Variants in FUBP3 observed in about 807,000 individuals in gnomAD.
FUBP3 encodes the protein far upstream element binding protein 3.
In FUBP3, 28 loss-of-function variants were observed where a neutral mutation model predicts 85.6. That is an observed-to-expected ratio of 0.33 (90% CI 0.24 to 0.45). The LOEUF (loss-of-function observed/expected upper bound fraction) is 0.45, where lower values mean the gene tolerates loss of function less well. Among genes scored for constraint, FUBP3 ranks in the 20% least tolerant of loss-of-function variants. The pLI is 1.00. For missense variants in FUBP3, 583 were observed against 755.1 expected (o/e 0.77, Z 2.67); for synonymous variants, 271 against 271.4 (o/e 1.00, Z 0.01).
At chr9:130,587,114 G>A (rs2119006486) in intron 1 of FUBP3, among the ~76,000 whole-genome samples, 1 of 149,754 alleles carries the variant, frequency 6.7e-6, no homozygotes, top group Non-Finnish European at 1.5e-5. Flanking sequence ...CACCAGGCTG[G>A]AAGGCAGTGG....
chr9:130,634,645 T>C (rs1000022754), intron 16 of FUBP3, 22 bp from the exon 17 acceptor site: 10 of 1,609,626 alleles, frequency 6.2e-6, no homozygotes, highest in Middle Eastern at 1.8e-4. Flanking sequence ...AAGGCCTGAC[T>C]GCTTTTGTGT....
chr9:130,595,485 T>C lies in FUBP3; in HGVS notation c.87T>C (p.Ile29=), dbSNP rs1222740489. 2.7e-6 allele frequency: 4 copies of C among 1,455,508 alleles called. No homozygotes were observed. Among genetic ancestry groups the C allele is most frequent in the East Asian group, 2.3e-5 (1 of 44,160 alleles). The allele number at this position is 1,455,508 out of a possible 1,614,324, so 90.2% of individuals were successfully genotyped here. A position where few individuals can be genotyped will look rare whatever the true frequency, so the allele number is the denominator to read the frequency against. ...FVDALHRVRQ[I]AAKIDSIPHL... ...TTTAAATCTGATTCTCTCTGTAGAT[T>C]GCTGCTAAAATTGATTCAATTCCTC... The change falls in exon 2 of 19, where the codon ATT becomes ATC. Residue 29 remains isoleucine, a splice_region_variant and synonymous_variant. Coordinates refer to ENST00000319725, the MANE Select transcript of FUBP3 (RefSeq NM_003934.2).
chr9:130,616,608 C>A lies in FUBP3; in HGVS notation c.567+91C>A. 1 of 1,211,464 alleles carries A rather than the reference C, an allele frequency of 8.3e-7. No homozygotes were observed. The highest frequency in any genetic ancestry group is 1.2e-6 in the Non-Finnish European group (1 of 838,586). 75.0% of individuals were successfully genotyped at this position (1,211,464 alleles called of 1,614,324 possible). On this transcript the variant is annotated intron_variant, in intron 7 of 18. Coordinates refer to ENST00000319725, the MANE Select transcript of FUBP3 (RefSeq NM_003934.2). This position sits in a 1 kb window ranked among gnomAD's most constrained non-coding sequence, Gnocchi z 4.7. ...GAGATCTGCTTACGGCTGGCATTCC[C>A]TGGCTGGGCTGGCTTTGTGCAGCAT...
In FUBP3 at chr9:130,612,554, TTC is replaced by T. The variant is rs752621968; in HGVS notation, c.274+55_274+56del. 1.1e-5 allele frequency: 13 copies of T among 1,165,096 alleles called. No individual in the cohort carries two copies. Among genetic ancestry groups the T allele is most frequent in the African/African-American group, 3.0e-5 (2 of 65,724 alleles). 72.2% of individuals were successfully genotyped at this position (1,165,096 alleles called of 1,614,324 possible). A position where few individuals can be genotyped will look rare whatever the true frequency, so the allele number is the denominator to read the frequency against. ...TTTCCCTGATTCCTGTCTCTTCTTTTTCTCTCTTTTTTTCTGAGCTGCTTTGC... is the reference window on the plus strand; with the variant it reads ...TTTCCCTGATTCCTGTCTCTTCTTTTTCTCTTTTTTTCTGAGCTGCTTTGC... On this transcript the variant is annotated intron_variant, in intron 4 of 18. Coordinates refer to ENST00000319725, the MANE Select transcript of FUBP3 (RefSeq NM_003934.2). The surrounding 1 kb of genome is among the most constrained non-coding windows in gnomAD (Gnocchi z 4.1).
chr9:130,598,984 A>G (rs1355185804), intron 2 of FUBP3, among the ~76,000 whole-genome samples: 5 of 152,026 alleles, frequency 3.3e-5, no homozygotes, highest in Non-Finnish European at 7.4e-5. Flanking sequence ...GCAACATAGC[A>G]AAACCGTATT....
intron 11 of FUBP3, among the ~76,000 whole-genome samples, chr9:130,625,414 C>T (rs372291003): frequency 6.6e-6 from 1 of 152,204 alleles, no homozygotes; most frequent in Non-Finnish European, 1.5e-5. Context: ...TCTCAGCTTT[C>T]TGCTGGTTTA....
intron 2 of FUBP3, among the ~76,000 whole-genome samples, chr9:130,606,717 A>G (rs1186603421): frequency 6.6e-6 from 1 of 151,992 alleles, no homozygotes; most frequent in Non-Finnish European, 1.5e-5. Context: ...CTACTCGGGA[A>G]GCTGAGGTAG....
chr9:130,590,727 G>C (rs1413766714), intron 1 of FUBP3, among the ~76,000 whole-genome samples: 1 of 152,166 alleles, frequency 6.6e-6, no homozygotes, highest in African/African-American at 2.4e-5. Flanking sequence ...TGGAAGTCAG[G>C]CTTTATTTAA....
intron 10 of FUBP3, among the ~76,000 whole-genome samples, chr9:130,623,380 A>T (rs1433701664): frequency 6.6e-6 from 1 of 152,210 alleles, no homozygotes; most frequent in African/African-American, 2.4e-5. Context: ...ACATTTTTTA[A>T]ATGGCTATAA....
At chr9:130,601,190 G>A (rs1000189687) in intron 2 of FUBP3, among the ~76,000 whole-genome samples, 26 of 152,136 alleles carry the variant, frequency 1.7e-4, no homozygotes, top group Non-Finnish European at 7.4e-5. Flanking sequence ...TTCATCTTTA[G>A]TTAGGGAAGT....
chr9:130,634,519 C>A (rs958028431), intron 16 of FUBP3, 148 bp from the exon 17 acceptor site: 6 of 621,534 alleles, frequency 9.7e-6, no homozygotes, highest in African/African-American at 9.2e-5. Flanking sequence ...GCCCTGCCAG[C>A]TGCCACCTCC....
Position 130,636,484 on chromosome 9 carries a change from C to T in FUBP3, c.1710+358C>T, listed in dbSNP as rs564401271. ...AGGAGCAAGTGCAGAGGGTGCGCTC[C>T]GGCGACTGCTCTCGAGGAGGGTGGA... On this transcript the variant is annotated intron_variant, in intron 18 of 18. Transcript: ENST00000319725. Among the ~76,000 whole-genome samples, 68 of 152,334 alleles carry T rather than the reference C, an allele frequency of 4.5e-4. 1 individual carries two copies. Among genetic ancestry groups the T allele is most frequent in the African/African-American group, 1.5e-3 (63 of 41,584 alleles).
chr9:130,593,046 T>C (rs2119021280), intron 1 of FUBP3, among the ~76,000 whole-genome samples: 1 of 152,184 alleles, frequency 6.6e-6, no homozygotes, highest in East Asian at 1.9e-4. Flanking sequence ...CTACCAAGCT[T>C]GCTCCTGCCT....
At chr9:130,626,530 TC>T (rs1369833258) in intron 12 of FUBP3, 25 bp downstream of exon 12, 2 of 1,610,698 alleles carry the variant, frequency 1.2e-6, no homozygotes, top group Non-Finnish European at 8.5e-7. Flanking sequence ...GGGTTTCACA[TC>T]CCCCCTCAGC....
At chr9:130,614,263 C>T (rs1371377348) in intron 5 of FUBP3, 25 bp from the exon 6 acceptor site, 2 of 1,543,574 alleles carry the variant, frequency 1.3e-6, no homozygotes, top group Non-Finnish European at 1.8e-6. Flanking sequence ...ACCAACACCC[C>T]TCATCTTCTT....
chr9:130,632,138 A>G, intron 15 of FUBP3, 64 bp from the exon 16 acceptor site: 1 of 1,487,776 alleles, frequency 6.7e-7, no homozygotes, highest in Non-Finnish European at 9.4e-7. Context: ...GTGAGCAGTG[A>G]AGAGGGAGAC....
At position 130,613,041 on chromosome 9, in the gene FUBP3, A is replaced by G. The variant is rs771366410; in HGVS notation, c.346+14A>G. 107 of 1,524,416 alleles carry G rather than the reference A, an allele frequency of 7.0e-5. No individual in the cohort carries two copies. In the East Asian group the frequency reaches 2.2e-3, roughly 32 times the overall value. The allele number at this position is 1,524,416 out of a possible 1,614,324, so 94.4% of individuals were successfully genotyped here. ...AGATTGCTTCAGGTAAGGGCTTTTT[A>G]AAAATAGATATCAATTTTGTAGAAA... On this transcript the variant is annotated intron_variant, in intron 5 of 18. Coordinates refer to ENST00000319725, the MANE Select transcript of FUBP3 (RefSeq NM_003934.2).
chr9:130,582,507 A>G (rs1273902269), intron 1 of FUBP3, among the ~76,000 whole-genome samples: 1 of 152,120 alleles, frequency 6.6e-6, no homozygotes, highest in Non-Finnish European at 1.5e-5. Context: ...AGTTCCATGG[A>G]TGAAGATCTA....
At chr9:130,621,448 A>G (rs1043881700) in intron 9 of FUBP3, among the ~76,000 whole-genome samples, 2 of 152,230 alleles carry the variant, frequency 1.3e-5, no homozygotes, top group Non-Finnish European at 2.9e-5. Context: ...GCTACAGTTA[A>G]CACCACTGTA....
Sources: gnomAD v4.1 joint callset for allele counts (sites outside exome capture counted in the v4.1 genomes callset) on GRCh38, gnomAD v4.1.1 for gene constraint, Gnocchi (gnomAD v3.1) non-coding constraint, MANE v1.5 for transcripts, NCBI Gene and HGNC (gene_info 2026-07-23, HGNC 2026-07-21) for gene names.